TUSC3: variants seen among roughly 807,000 people sequenced by gnomAD.
TUSC3 encodes dolichyl-diphosphooligosaccharide--protein glycosyltransferase subunit TUSC3.
Under a neutral mutation model 44.8 loss-of-function variants are expected in TUSC3, and 45 were observed. The observed-to-expected ratio is 1.00, with a 90% CI of 0.79 to 1.29. TUSC3 has a LOEUF of 1.29. TUSC3 is among the 50% of genes most tolerant of loss of function. The pLI is 0.00. For synonymous variants in TUSC3, 212 were observed against 152.9 expected (o/e 1.39, Z -2.85); for missense variants, 519 against 437.9 (o/e 1.19, Z -1.65).
chr8:15,575,893 A>C (rs1178674495), intron 1 of TUSC3, among the ~76,000 whole-genome samples: 1 of 152,144 alleles, frequency 6.6e-6, no homozygotes, highest in Non-Finnish European at 1.5e-5. Flanking sequence ...GATTGAAATG[A>C]ATTTTACATT....
At chr8:15,744,523 T>G (rs1227414673) in intron 8 of TUSC3, among the ~76,000 whole-genome samples, 1 of 152,132 alleles carries the variant, frequency 6.6e-6, no homozygotes, top group Non-Finnish European at 1.5e-5. Flanking sequence ...TATTAAGATA[T>G]TTAAAATAAA....
the TUSC3 span, among the ~76,000 whole-genome samples, chr8:15,781,287 C>T: frequency 6.6e-6 from 1 of 152,172 alleles, no homozygotes. Flanking sequence ...GAACCCCAAC[C>T]TTTCCAAATG....
intron 1 of TUSC3, among the ~76,000 whole-genome samples, chr8:15,434,203 A>G (rs1360522728): frequency 6.6e-6 from 1 of 152,036 alleles, no homozygotes; most frequent in Non-Finnish European, 1.5e-5. Flanking sequence ...ACCCTAATTA[A>G]TAATAATCAT....
chr8:15,543,353 G>A (rs1801752963), intron 1 of TUSC3, among the ~76,000 whole-genome samples: 2 of 152,100 alleles, frequency 1.3e-5, no homozygotes, highest in South Asian at 4.1e-4. Flanking sequence ...ATCAGGAAAG[G>A]ACATTAGTTG....
In TUSC3 at chr8:15,660,462, A is replaced by G. The variant is rs146453929; in HGVS notation, c.567+815A>G. ...GGAAATGAACCTAAATGGTGATGGTAGTTCATACTTACTTGGAGATTTTAT... is the reference window on the plus strand; with the variant it reads ...GGAAATGAACCTAAATGGTGATGGTGGTTCATACTTACTTGGAGATTTTAT... On this transcript the variant is annotated intron_variant, in intron 4 of 10. Coordinates refer to ENST00000503731, the MANE Select transcript of TUSC3 (RefSeq NM_006765.4). Among the ~76,000 whole-genome samples the G allele has an allele frequency of 4.4e-3, 667 of 152,134 alleles. 9 individuals are homozygous for G. Among genetic ancestry groups the G allele is most frequent in the African/African-American group, 0.015 (633 of 41,558 alleles).
intron 10 of TUSC3, among the ~76,000 whole-genome samples, chr8:15,761,293 TAAG>T (rs1812159219): frequency 6.6e-6 from 1 of 152,172 alleles, no homozygotes; most frequent in Admixed American, 6.6e-5. Flanking sequence ...GAGCCAGCCT[TAAG>T]GAGAGAAACG....
At chr8:15,841,121 C>G in the TUSC3 span, among the ~76,000 whole-genome samples, 1 of 152,002 alleles carries the variant, frequency 6.6e-6, no homozygotes, top group Admixed American at 6.6e-5. Flanking sequence ...AGCCAGTATC[C>G]AAATTTATTG....
intron 6 of TUSC3, among the ~76,000 whole-genome samples, chr8:15,704,595 C>T (rs1284157050): frequency 6.6e-6 from 1 of 151,936 alleles, no homozygotes; most frequent in African/African-American, 2.4e-5. Flanking sequence ...GACTGTAACG[C>T]TGGTTCTCCA....
chr8:15,775,426 G>T, the TUSC3 span, among the ~76,000 whole-genome samples: 2 of 151,822 alleles, frequency 1.3e-5, no homozygotes, highest in East Asian at 1.9e-4. Flanking sequence ...TCAATTATAC[G>T]TATTAAGTTT....
Position 15,650,774 on chromosome 8 carries a change from G to GTAT in TUSC3, c.387_389dup (p.Ser129_Met130insIle). ...GCTTTTTGTAACAAGCTCTTCTTCA[G>GTAT]TATGGTGGACTATGATGAGGGGACA... On this transcript the variant is annotated inframe_insertion, in exon 3 of 11. Coordinates refer to ENST00000503731, the MANE Select transcript of TUSC3 (RefSeq NM_006765.4). 6.2e-7 allele frequency: 1 copy of GTAT among 1,614,150 alleles called. No individual in the cohort carries two copies. Among genetic ancestry groups the GTAT allele is most frequent in the Non-Finnish European group, 8.5e-7 (1 of 1,180,030 alleles).
At chr8:15,757,948 T>G in intron 10 of TUSC3, 93 bp downstream of exon 10, 1 of 1,504,612 alleles carries the variant, frequency 6.6e-7, no homozygotes, top group Non-Finnish European at 9.0e-7. Flanking sequence ...TTGTAGTAAA[T>G]TACTGTTTTA....
At chr8:15,600,606 TA>T (rs149229591) in intron 1 of TUSC3, among the ~76,000 whole-genome samples, 108 of 151,678 alleles carry the variant, frequency 7.1e-4, no homozygotes, top group African/African-American at 2.5e-3. Flanking sequence ...GGATGGGAGA[TA>T]GGGGAGAGGG....
upstream of TUSC3, among the ~76,000 whole-genome samples, chr8:15,538,850 A>C (rs997053071): frequency 6.6e-6 from 1 of 151,328 alleles, no homozygotes; most frequent in Non-Finnish European, 1.5e-5. Flanking sequence ...ATATTTTTAT[A>C]TTCTGTATAT....
upstream of TUSC3, among the ~76,000 whole-genome samples, chr8:15,536,618 G>A (rs1007777828): frequency 4.2e-5 from 6 of 143,690 alleles, no homozygotes; most frequent in East Asian, 2.2e-4. Context: ...GGAGGCGGAG[G>A]TTGCAGTGAG....
chr8:15,423,449 C>G (rs933391621), intron 1 of TUSC3, among the ~76,000 whole-genome samples: 7 of 152,258 alleles, frequency 4.6e-5, no homozygotes, highest in African/African-American at 1.7e-4. Context: ...TAAGTTCAGC[C>G]TCTTTGGGAA....
At chr8:15,785,918 AAG>A in the TUSC3 span, among the ~76,000 whole-genome samples, 1 of 152,212 alleles carries the variant, frequency 6.6e-6, no homozygotes. Flanking sequence ...TTTGAAAAAA[AAG>A]AAAAAAAGAA....
At chr8:15,763,836 A>G (rs1314416788) in intron 10 of TUSC3, among the ~76,000 whole-genome samples, 1 of 152,100 alleles carries the variant, frequency 6.6e-6, no homozygotes, top group Non-Finnish European at 1.5e-5. Flanking sequence ...TTTTTAGGAC[A>G]TTCAAATGAC....
intron 1 of TUSC3, among the ~76,000 whole-genome samples, chr8:15,458,985 C>G (rs759967136): frequency 1.3e-5 from 2 of 152,138 alleles, no homozygotes; most frequent in Non-Finnish European, 2.9e-5. Context: ...ACCAAATAGA[C>G]CAGGTTCATT....
the TUSC3 span, among the ~76,000 whole-genome samples, chr8:15,825,129 A>G: frequency 1.3e-5 from 2 of 152,198 alleles, no homozygotes; most frequent in African/African-American, 4.8e-5. Flanking sequence ...AATTATGGTC[A>G]GTGCCAAGGG....
Sources: gnomAD v4.1 joint callset for allele counts (sites outside exome capture counted in the v4.1 genomes callset) on GRCh38, gnomAD v4.1.1 for gene constraint, MANE v1.5 for transcripts, NCBI Gene and HGNC (gene_info 2026-07-23, HGNC 2026-07-21) for gene names.